Variants in ADARB2 observed in about 807,000 individuals in gnomAD.
ADARB2 encodes inactive double-stranded RNA-specific editase B2.
ADARB2 carries 25 observed loss-of-function variants against 62.2 expected under a neutral mutation model. The observed-to-expected ratio is 0.40, with a 90% CI of 0.29 to 0.56. The LOEUF (loss-of-function observed/expected upper bound fraction) is 0.56, where lower values mean the gene tolerates loss of function less well. Among genes scored for constraint, ADARB2 ranks in the 20% least tolerant of loss-of-function variants. The pLI is 0.43. For missense variants in ADARB2, 1,071 were observed against 1,077.4 expected (o/e 0.99, Z 0.08); for synonymous variants, 572 against 500.8 (o/e 1.14, Z -1.90).
chr10:1,257,574 C>T (rs368228667), intron 4 of ADARB2, among the ~76,000 whole-genome samples: 6 of 152,192 alleles, frequency 3.9e-5, no homozygotes, highest in African/African-American at 1.2e-4. Context: ...GGGTCCAGAG[C>T]GCTGTGCATG....
intron 1 of ADARB2, among the ~76,000 whole-genome samples, chr10:1,510,102 T>TTCTTTCTC (rs879505010): frequency 0.047 from 6,188 of 131,986 alleles, 266 homozygotes; most frequent in Non-Finnish European, 0.067. Context: ...TCTCTTTTCT[T>TTCTTTCTC]TCTTTCTCTC....
chr10:1,573,625 C>T (rs1832969736), intron 1 of ADARB2, among the ~76,000 whole-genome samples: 1 of 152,192 alleles, frequency 6.6e-6, no homozygotes, highest in African/African-American at 2.4e-5. Flanking sequence ...GCGCACTCTG[C>T]ACCTCCTTGC....
chr10:1,483,339 G>A (rs1007381622), intron 1 of ADARB2, among the ~76,000 whole-genome samples: 2 of 152,142 alleles, frequency 1.3e-5, no homozygotes, highest in African/African-American at 4.8e-5. Context: ...GGTCTTTTGG[G>A]ATCTAGGAAA....
Position 1,181,085 on chromosome 10 carries a change from A to G in ADARB2, c.*2108T>C, listed in dbSNP as rs1184387268. The G allele has an allele frequency of 3.3e-5, 5 of 152,212 alleles. No homozygotes were observed. The highest frequency in any genetic ancestry group is 7.3e-5 in the Non-Finnish European group (5 of 68,052). The allele number at this position is 152,212 out of a possible 1,614,324, so 9.4% of individuals were successfully genotyped here. A position where few individuals can be genotyped will look rare whatever the true frequency, so the allele number is the denominator to read the frequency against. Reference sequence around the variant, plus strand: ...CAACACAGGCCCCCTCGCTGCAGAAACAGCGTGATTTGGAGCCCACTGGGA... The same window carrying G: ...CAACACAGGCCCCCTCGCTGCAGAAGCAGCGTGATTTGGAGCCCACTGGGA... On this transcript the variant is annotated 3_prime_UTR_variant, in exon 10 of 10. Transcript: ENST00000381312.
At chr10:1,649,622 C>G (rs1206049947) in intron 1 of ADARB2, among the ~76,000 whole-genome samples, 1 of 152,210 alleles carries the variant, frequency 6.6e-6, no homozygotes, top group Non-Finnish European at 1.5e-5. Context: ...AGAAATGACC[C>G]TATAACCTGG....
At chr10:1,263,753 G>C (rs1310416463) in intron 4 of ADARB2, among the ~76,000 whole-genome samples, 1 of 152,216 alleles carries the variant, frequency 6.6e-6, no homozygotes, top group African/African-American at 2.4e-5. Context: ...AGGGCTGCCA[G>C]TCCTCTCCTT....
At chr10:1,413,406 C>G (rs1832775452) in intron 1 of ADARB2, among the ~76,000 whole-genome samples, 1 of 152,162 alleles carries the variant, frequency 6.6e-6, no homozygotes, top group South Asian at 2.1e-4. Flanking sequence ...TCATCATGCC[C>G]AAGCTCTCGG....
chr10:1,188,886 C>T (rs955282382), intron 8 of ADARB2, among the ~76,000 whole-genome samples: 3 of 152,228 alleles, frequency 2.0e-5, no homozygotes, highest in Non-Finnish European at 4.4e-5. Context: ...CAGTCAGGAG[C>T]GGGCTGCTTG....
chr10:1,252,234 C>G (rs1831043486), intron 4 of ADARB2, among the ~76,000 whole-genome samples: 1 of 152,040 alleles, frequency 6.6e-6, no homozygotes, highest in African/African-American at 2.4e-5. Context: ...TAAAATATAC[C>G]AAATAGCATC....
intron 3 of ADARB2, among the ~76,000 whole-genome samples, chr10:1,347,917 G>A (rs539780806): frequency 3.9e-5 from 6 of 152,144 alleles, no homozygotes; most frequent in African/African-American, 1.4e-4. Context: ...CGGAGACAGA[G>A]ACAGACACAG....
At chr10:1,633,545 C>CATA (rs1564352929) in intron 1 of ADARB2, among the ~76,000 whole-genome samples, 1 of 118,622 alleles carries the variant, frequency 8.4e-6, no homozygotes, top group African/African-American at 2.8e-5. Context: ...GTCTGTCTAT[C>CATA]TATCATCTAT....
At chr10:1,531,091 A>C (rs1832229115) in intron 1 of ADARB2, among the ~76,000 whole-genome samples, 1 of 152,194 alleles carries the variant, frequency 6.6e-6, no homozygotes, top group African/African-American at 2.4e-5. Flanking sequence ...ATAGCTGGCG[A>C]TCCACAGCCT....
intron 1 of ADARB2, among the ~76,000 whole-genome samples, chr10:1,723,553 A>G (rs147148230): frequency 1.3e-5 from 2 of 152,274 alleles, no homozygotes; most frequent in South Asian, 2.1e-4. Context: ...TTACCTCCCC[A>G]TAAGAGAGTT....
chr10:1,428,563 A>C (rs1830739806), intron 1 of ADARB2, among the ~76,000 whole-genome samples: 1 of 152,144 alleles, frequency 6.6e-6, no homozygotes, highest in Non-Finnish European at 1.5e-5. Flanking sequence ...CTGGGATTAC[A>C]GGCATGAACC....
At chr10:1,206,527 G>GAC (rs1394378374) in intron 7 of ADARB2, among the ~76,000 whole-genome samples, 2 of 150,602 alleles carry the variant, frequency 1.3e-5, no homozygotes, top group African/African-American at 2.4e-5. Flanking sequence ...AGAACTGCGG[G>GAC]GTCTCCTCCT....
intron 5 of ADARB2, among the ~76,000 whole-genome samples, chr10:1,241,267 A>C (rs1368537309): frequency 6.6e-6 from 1 of 152,176 alleles, no homozygotes; most frequent in African/African-American, 2.4e-5. Flanking sequence ...TCAAAAAAAA[A>C]GAATGAGCTG....
chr10:1,417,796 C>A (rs1200382105), intron 1 of ADARB2, among the ~76,000 whole-genome samples: 1 of 152,230 alleles, frequency 6.6e-6, no homozygotes, highest in Non-Finnish European at 1.5e-5. Context: ...GCCATGGCTG[C>A]CCCTCCAGGG....
At chr10:1,185,461 C>T (rs73588410) in intron 8 of ADARB2, among the ~76,000 whole-genome samples, 3,097 of 152,156 alleles carry the variant, frequency 0.02, 96 homozygotes, top group African/African-American at 0.071. Flanking sequence ...ATGCAGCTCC[C>T]TGGCTCCCTC....
chr10:1,468,737 C>T (rs756800616), intron 1 of ADARB2, among the ~76,000 whole-genome samples: 3 of 152,220 alleles, frequency 2.0e-5, no homozygotes, highest in Non-Finnish European at 4.4e-5. Flanking sequence ...AGACCCCCGG[C>T]TACCTTTCCC....
Sources: allele counts gnomAD v4.1 joint callset (sites outside exome capture counted in the v4.1 genomes callset), GRCh38; gene constraint gnomAD v4.1.1; transcripts MANE v1.5; gene names NCBI Gene and HGNC (gene_info 2026-07-23, HGNC 2026-07-21).